EIF5: variants seen among roughly 807,000 people sequenced by gnomAD.
The protein encoded by EIF5 is eukaryotic translation initiation factor 5.
Under a neutral mutation model 48.3 loss-of-function variants are expected in EIF5, and 10 were observed. The ratio of observed to expected loss-of-function variants is 0.21; its 90% CI spans 0.13 to 0.35. The LOEUF is 0.35. EIF5 is among the 10% of genes least tolerant of loss of function. EIF5 has a pLI of 1.00. For synonymous variants in EIF5, 237 were observed against 173.1 expected, an observed-to-expected ratio of 1.37 and a Z score of -2.90; for missense variants, 397 against 533.2, an observed-to-expected ratio of 0.74 and a Z score of 2.51.
chr14:103,334,765 C>T (rs576432797), intron 2 of EIF5, 168 bp downstream of exon 2: 1 of 148,798 alleles, frequency 6.7e-6, no homozygotes, highest in African/African-American at 2.4e-5. Flanking sequence ...GCCTCGCCCC[C>T]TCCCCGGCAT....
intron 4 of EIF5, 25 bp downstream of exon 4, chr14:103,336,142 C>T: frequency 1.2e-6 from 2 of 1,609,920 alleles, no homozygotes; most frequent in Non-Finnish European, 1.7e-6. Flanking sequence ...GAAAAGTCCA[C>T]AGGGCATATT....
chr14:103,340,570 TGGG>T lies in EIF5; in HGVS notation c.1206+12_1206+14del, dbSNP rs758168426. On this transcript the variant is annotated intron_variant, in intron 11 of 11. Coordinates refer to ENST00000216554, the MANE Select transcript of EIF5 (RefSeq NM_001969.5). ...AAGATGAGAACATTGAGGTAAACATTGGGGGAGGAGGGTATTGGATACAGTGCT... is the reference window on the plus strand; with the variant it reads ...AAGATGAGAACATTGAGGTAAACATTGGAGGAGGGTATTGGATACAGTGCT... The T allele has an allele frequency of 6.2e-7, 1 of 1,606,886 alleles. No homozygotes were observed. The highest frequency in any genetic ancestry group is 8.5e-7 in the Non-Finnish European group (1 of 1,173,954).
rs1474766622 is a variant in EIF5 at position 103,341,328 on chromosome 14, T to C, written c.*276T>C. On this transcript the variant is annotated 3_prime_UTR_variant, in exon 12 of 12. Transcript: ENST00000216554. The stretch of plus-strand genomic sequence containing the variant: ...CATTTGGATCACATTTATACAGTTA[T>C]AAAAATAAAGGTTTGATTTTGGTCG... 2.6e-5 allele frequency: 7 copies of C among 271,720 alleles called. No homozygotes were observed. In the East Asian group the frequency reaches 4.1e-4, roughly 16 times the overall value. 16.8% of individuals were successfully genotyped at this position (271,720 alleles called of 1,614,324 possible). A position where few individuals can be genotyped will look rare whatever the true frequency, so the allele number is the denominator to read the frequency against.
chr14:103,339,488 C>G, intron 9 of EIF5, 151 bp from the exon 10 acceptor site: 1 of 1,410,758 alleles, frequency 7.1e-7, no homozygotes, highest in Non-Finnish European at 9.7e-7. Flanking sequence ...CATACCTAGG[C>G]CCTTACAAAG....
intron 9 of EIF5, 70 bp downstream of exon 9, chr14:103,339,403 A>G: frequency 1.3e-6 from 2 of 1,529,798 alleles, no homozygotes; most frequent in South Asian, 1.3e-5. Context: ...CATATTAACC[A>G]CTTTTGCTTG....
chr14:103,338,833 C>G lies in EIF5; in HGVS notation c.684C>G (p.Leu228=), dbSNP rs1364755071. 2 of 1,614,176 alleles carry G rather than the reference C, an allele frequency of 1.2e-6. No individual in the cohort carries two copies. The highest frequency in any genetic ancestry group is 1.6e-4 in the Middle Eastern group (1 of 6,062). The part of the protein sequence containing the change: ...EISDHAKVLT[L]SDDLERTIEE... ...GTGACCATGCAAAAGTTCTGACACT[C>G]AGTGATGATTTGGAAAGAACAATTG... Residue 228 remains leucine (L), a synonymous_variant, in exon 8 of 12, where the codon CTC becomes CTG. Coordinates refer to ENST00000216554, the MANE Select transcript of EIF5 (RefSeq NM_001969.5).
At position 103,337,175 on chromosome 14, in the gene EIF5, C is replaced by T; in HGVS notation, c.387C>T (p.Gly129=). 1.9e-6 allele frequency: 3 copies of T among 1,613,628 alleles called. No homozygotes were observed. Among genetic ancestry groups the T allele is most frequent in the Non-Finnish European group, 2.5e-6 (3 of 1,179,896 alleles). The change falls in exon 6 of 12, where the codon GGC becomes GGT. Residue 129 remains glycine, a synonymous_variant. Transcript: ENST00000216554. ...GNSCKACGYR[G]MLDTHHKLCT... ...CTTGTAAAGCCTGTGGCTATCGAGG[C>T]ATGCTTGACACACATCATAAACTCT...
At chr14:103,334,666 C>T (rs1350204100) in intron 2 of EIF5, 69 bp downstream of exon 2, 2 of 148,082 alleles carry the variant, frequency 1.4e-5, no homozygotes, top group Admixed American at 6.7e-5. Context: ...CGCGTGACCC[C>T]GCCGCGGCGT....
At chr14:103,339,851 T>G (rs181812185) in intron 10 of EIF5, 48 bp downstream of exon 10, 4 of 1,565,168 alleles carry the variant, frequency 2.6e-6, no homozygotes, top group African/African-American at 1.4e-5. Flanking sequence ...TTTTGGGGGG[T>G]TTTTTTGTTT....
In EIF5 at chr14:103,344,831, T is replaced by C. The variant is rs919890950; in HGVS notation, c.*3779T>C. On this transcript the variant is annotated 3_prime_UTR_variant, in exon 12 of 12. Coordinates refer to ENST00000216554, the MANE Select transcript of EIF5 (RefSeq NM_001969.5). ...AATGAAAGTAAATGGAATAAATGTA[T>C]CAGGTAAAGGACAAGTTGTAAGCTT... is the stretch of plus-strand genomic sequence containing the variant. 1.6e-4 allele frequency: 24 copies of C among 152,158 alleles called. 1 individual carries two copies. The highest frequency in any genetic ancestry group is 3.1e-4 in the Non-Finnish European group (21 of 68,030). 9.4% of individuals were successfully genotyped at this position (152,158 alleles called of 1,614,324 possible). A position where few individuals can be genotyped will look rare whatever the true frequency, so the allele number is the denominator to read the frequency against.
intron 8 of EIF5, 132 bp downstream of exon 8, chr14:103,339,025 AT>A (rs1188249018): frequency 2.7e-6 from 4 of 1,479,270 alleles, no homozygotes; most frequent in Non-Finnish European, 3.6e-6. Context: ...TCATTTAAAT[AT>A]TTTTTGCGCG....
chr14:103,339,004 A>G (rs544451648), intron 8 of EIF5, 111 bp downstream of exon 8: 1 of 1,493,352 alleles, frequency 6.7e-7, no homozygotes, highest in East Asian at 2.3e-5. Context: ...ACGACTTTTT[A>G]GAACTCTTGT....
At position 103,340,446 on chromosome 14, in the gene EIF5, C is replaced by G. The variant is rs746622595; in HGVS notation, c.1091C>G (p.Ser364Cys). The change falls in exon 11 of 12, where the codon TCC becomes TGC. Residue 364 changes from serine to cysteine, a missense_variant. Physicochemically the swap from Ser to Cys is moderately radical, Grantham distance 112. Around this residue, in one of 4 missense-constraint regions of EIF5, gnomAD observed 160 missense variants for 184.8 expected, o/e 0.87. Transcript: ENST00000216554. ...TTTTAGGCCTCTAAGAAATATGTCT[C>G]CAAAGAACTTGCCAAAGAGATTCGT... is the stretch of plus-strand genomic sequence containing the variant. Reference protein sequence around the residue: ...WSEKASKKYVSKELAKEIRVK... With the variant: ...WSEKASKKYVCKELAKEIRVK... The G allele has an allele frequency of 6.2e-7, 1 of 1,603,748 alleles. No homozygotes were observed. Among genetic ancestry groups the G allele is most frequent in the Non-Finnish European group, 8.5e-7 (1 of 1,171,360 alleles).
chr14:103,340,366 TATAA>T, intron 10 of EIF5, 57 bp from the exon 11 acceptor site: 3 of 1,566,392 alleles, frequency 1.9e-6, no homozygotes, highest in East Asian at 2.3e-5. Flanking sequence ...AGGGGGATTG[TATAA>T]ATAATCAAAA....
rs2089323014 is a variant in EIF5, at chr14:103,339,076, A to G, written c.745-96A>G. ...ATGTGTCACAACTGCCAAATTAGGC[A>G]GGAAAAATATGTTCATCAGAGCAGG... On this transcript the variant is annotated intron_variant, in intron 8 of 11. Transcript: ENST00000216554. 3.3e-6 allele frequency: 5 copies of G among 1,503,260 alleles called. No individual in the cohort carries two copies. The South Asian group carries it at 6.7e-5, about 20-fold the overall frequency. 93.1% of individuals were successfully genotyped at this position (1,503,260 alleles called of 1,614,324 possible).
At chr14:103,338,159 T>C (rs1035249236) in intron 6 of EIF5, 168 bp from the exon 7 acceptor site, 1 of 917,600 alleles carries the variant, frequency 1.1e-6, no homozygotes, top group Non-Finnish European at 1.7e-6. Flanking sequence ...ACGTATGAAA[T>C]ACATGATGAA....
chr14:103,339,306 T>A lies in EIF5; in HGVS notation c.879T>A (p.Ile293=), dbSNP rs1324084790. The A allele has an allele frequency of 6.3e-7, 1 of 1,599,748 alleles. No individual in the cohort carries two copies. Among genetic ancestry groups the A allele is most frequent in the African/African-American group, 1.4e-5 (1 of 73,840 alleles). Residue 293 remains isoleucine (I), a synonymous_variant, in exon 9 of 12, where the codon ATT becomes ATA. Transcript: ENST00000216554. ...TTAATGAGAAGATTAGAGAACAGAT[T>A]AAGAAATACAGGCGCCATTTCCTAC... ...VLFNEKIREQ[I]KKYRRHFLRF...
At position 103,343,107 on chromosome 14, in the gene EIF5, T is replaced by A. The variant is rs2089372845; in HGVS notation, c.*2055T>A. On this transcript the variant is annotated 3_prime_UTR_variant, in exon 12 of 12. Transcript: ENST00000216554. ...TAGAGTAATTCTTCACTTTGCTCTA[T>A]TGAACTGTCTTAAGGATTTGTTTAA... The A allele has an allele frequency of 6.6e-6, 1 of 152,614 alleles. No individual in the cohort carries two copies. The highest frequency in any genetic ancestry group is 6.5e-5 in the Admixed American group (1 of 15,276). 9.5% of individuals were successfully genotyped at this position (152,614 alleles called of 1,614,324 possible). A position where few individuals can be genotyped will look rare whatever the true frequency, so the allele number is the denominator to read the frequency against.
At chr14:103,336,001 G>A in intron 3 of EIF5, 35 bp from the exon 4 acceptor site, 2 of 1,613,798 alleles carry the variant, frequency 1.2e-6, no homozygotes, top group South Asian at 2.2e-5. Flanking sequence ...ATTTGTCAGG[G>A]GAAACTGCAC....
Sources: allele counts gnomAD v4.1 joint callset, GRCh38; gene constraint gnomAD v4.1.1; regional missense constraint gnomAD v4.1.1; transcripts MANE v1.5; gene names NCBI Gene and HGNC (gene_info 2026-07-23, HGNC 2026-07-21).